PSD2: variants seen among roughly 807,000 people sequenced by gnomAD.
The protein encoded by PSD2 is pleckstrin and Sec7 domain containing 2.
A neutral mutation model predicts 69.8 loss-of-function variants in PSD2; 38 were observed. That is an observed-to-expected ratio of 0.54 (90% CI 0.42 to 0.71). The LOEUF is 0.71. Among genes scored for constraint, PSD2 ranks in the 30% least tolerant of loss-of-function variants. PSD2 has a pLI of 0.00. For missense variants in PSD2, 943 were observed against 1,014.5 expected, an observed-to-expected ratio of 0.93 and a Z score of 0.96; for synonymous variants, 412 against 423.0, an observed-to-expected ratio of 0.97 and a Z score of 0.32.
rs574106192 is a variant in PSD2, at chr5:139,810,878, T to G, written c.371+1067T>G. Among the ~76,000 whole-genome samples the G allele has an allele frequency of 3.4e-3, 516 of 152,062 alleles. 1 individual carries two copies. Among genetic ancestry groups the G allele is most frequent in the Admixed American group, 5.2e-3 (80 of 15,278 alleles). ...CTTGGGATGGCGAGGCTGGGGGCAG[T>G]TGGAGGCTTGCAGATTGGACTGATG... On this transcript the variant is annotated intron_variant, in intron 2 of 14. Coordinates refer to ENST00000274710, the MANE Select transcript of PSD2 (RefSeq NM_032289.4).
intron 5 of PSD2, among the ~76,000 whole-genome samples, chr5:139,819,100 T>A (rs1016660304): frequency 2.0e-5 from 3 of 152,202 alleles, no homozygotes; most frequent in African/African-American, 7.2e-5. Flanking sequence ...GCTTAATAAC[T>A]TAAAAAAATT....
rs368556780 is a variant in PSD2, at chr5:139,817,527, G to C, written c.1063G>C (p.Asp355His). The C allele has an allele frequency of 1.2e-6, 2 of 1,614,140 alleles. No homozygotes were observed. Among genetic ancestry groups the C allele is most frequent in the Admixed American group, 3.3e-5 (2 of 60,030 alleles). Residue 355 changes from aspartate (D) to histidine (H), a missense_variant, in exon 5 of 15, where the codon GAC (aspartate) becomes CAC (histidine). Physicochemically the swap from Asp to His is moderately conservative, Grantham distance 81. Coordinates refer to ENST00000274710, the MANE Select transcript of PSD2 (RefSeq NM_032289.4). ...LVAGEYLSFF[D>H]FSGLTLDGAL... Reference sequence around the variant, plus strand: ...GGCCGGGGAGTACCTCAGTTTCTTCGACTTCTCGGGCTTGACTCTGGACGG... The same window carrying C: ...GGCCGGGGAGTACCTCAGTTTCTTCCACTTCTCGGGCTTGACTCTGGACGG...
the PSD2 span, among the ~76,000 whole-genome samples, chr5:139,789,994 C>G: frequency 6.7e-6 from 1 of 148,186 alleles, no homozygotes; most frequent in African/African-American, 2.4e-5. Context: ...AGCACGGGGC[C>G]GGGCGGGCGC....
At chr5:139,818,739 G>A (rs114128959) in intron 5 of PSD2, among the ~76,000 whole-genome samples, 1 of 152,044 alleles carries the variant, frequency 6.6e-6, no homozygotes. Context: ...AGACCTTGGC[G>A]ATCACCTTGA....
chr5:139,820,940 T>A (rs1760243701), intron 5 of PSD2, among the ~76,000 whole-genome samples: 1 of 151,346 alleles, frequency 6.6e-6, no homozygotes, highest in Non-Finnish European at 1.5e-5. Context: ...AGGTTGTTTT[T>A]TTTTTTTCTT....
chr5:139,748,100 G>A, the PSD2 span, among the ~76,000 whole-genome samples: 1 of 152,178 alleles, frequency 6.6e-6, no homozygotes, highest in Admixed American at 6.5e-5. Flanking sequence ...TGTGAACCGA[G>A]CCACATCTGT....
chr5:139,811,220 C>T (rs1477286057), intron 2 of PSD2, among the ~76,000 whole-genome samples: 2 of 152,314 alleles, frequency 1.3e-5, no homozygotes, highest in Middle Eastern at 3.4e-3. Flanking sequence ...TCCCCCTCCC[C>T]ACTTTGTTCC....
At chr5:139,781,059 T>A in the PSD2 span, among the ~76,000 whole-genome samples, 1 of 152,148 alleles carries the variant, frequency 6.6e-6, no homozygotes, top group Non-Finnish European at 1.5e-5. Context: ...TCTGATGCCA[T>A]CCCCTTTCAT....
At chr5:139,781,978 T>C in the PSD2 span, among the ~76,000 whole-genome samples, 2 of 152,070 alleles carry the variant, frequency 1.3e-5, no homozygotes, top group Non-Finnish European at 2.9e-5. Context: ...CAGCATTTCA[T>C]ATCATAATTG....
At chr5:139,793,402 G>A (rs1350517747), upstream of PSD2, among the ~76,000 whole-genome samples, 2 of 152,196 alleles carry the variant, frequency 1.3e-5, no homozygotes, top group African/African-American at 4.8e-5. Flanking sequence ...TTGACGGAGG[G>A]GAAAGGAAGG....
At chr5:139,829,829 C>T in intron 7 of PSD2, among the ~76,000 whole-genome samples, 1 of 151,958 alleles carries the variant, frequency 6.6e-6, no homozygotes, top group Non-Finnish European at 1.5e-5. Context: ...TATCTGTTTT[C>T]ATATTTTGGG....
rs1289916140 is a variant in PSD2, at chr5:139,809,424, C to T, written c.-17C>T. 8 of 1,606,996 alleles carry T rather than the reference C, an allele frequency of 5.0e-6. No individual in the cohort carries two copies. The highest frequency in any genetic ancestry group is 6.8e-6 in the Non-Finnish European group (8 of 1,178,008). ...GAGTCCCAGGAGCAGCCAGGACAGG[C>T]GGAAGCAGTGGCTGCCATGGAGGAG... On this transcript the variant is annotated 5_prime_UTR_variant, in exon 2 of 15. Transcript: ENST00000274710.
chr5:139,766,921 CTTCCTTCCCTTCTTTCTTTCTTT>C, the PSD2 span, among the ~76,000 whole-genome samples: 10 of 31,358 alleles, frequency 3.2e-4, no homozygotes, highest in East Asian at 9.6e-4. Flanking sequence ...TCCTTCCTTC[CTTCCTTCCCTTCTTTCTTTCTTT>C]CTTTCTTTCT....
At chr5:139,830,578 C>CT (rs1156622898) in intron 7 of PSD2, among the ~76,000 whole-genome samples, 2 of 134,866 alleles carry the variant, frequency 1.5e-5, no homozygotes, top group Non-Finnish European at 3.0e-5. Flanking sequence ...TTCTTTCTTT[C>CT]TTTCTTTCTT....
chr5:139,766,851 C>CTT, the PSD2 span, among the ~76,000 whole-genome samples: 2 of 148,966 alleles, frequency 1.3e-5, no homozygotes, highest in East Asian at 4.0e-4. Flanking sequence ...TTCTTTCTTT[C>CTT]TTTCTTTCTT....
At chr5:139,784,312 G>C in the PSD2 span, among the ~76,000 whole-genome samples, 5 of 151,964 alleles carry the variant, frequency 3.3e-5, no homozygotes, top group Non-Finnish European at 7.4e-5. Context: ...CCCGACTCCT[G>C]TGGTGACCTC....
At chr5:139,784,368 GC>G in the PSD2 span, among the ~76,000 whole-genome samples, 3 of 152,162 alleles carry the variant, frequency 2.0e-5, no homozygotes, top group South Asian at 4.2e-4. Flanking sequence ...TTTTCTGTCT[GC>G]CACTCTGACA....
At chr5:139,754,482 C>T in the PSD2 span, among the ~76,000 whole-genome samples, 1 of 151,674 alleles carries the variant, frequency 6.6e-6, no homozygotes, top group African/African-American at 2.4e-5. Context: ...CGCTTGAGCT[C>T]AGGAGTTCGA....
chr5:139,808,858 C>T (rs1477267482), intron 1 of PSD2, among the ~76,000 whole-genome samples: 2 of 152,250 alleles, frequency 1.3e-5, no homozygotes, highest in Non-Finnish European at 2.9e-5. Flanking sequence ...CGTCTGTTGA[C>T]TTCCTTGCCT....
Sources: gnomAD v4.1 joint callset for allele counts (sites outside exome capture counted in the v4.1 genomes callset) on GRCh38, gnomAD v4.1.1 for gene constraint, MANE v1.5 for transcripts, NCBI Gene and HGNC (gene_info 2026-07-23, HGNC 2026-07-21) for gene names.